Variants in DPP6 observed in about 807,000 individuals in gnomAD.
The protein encoded by DPP6 is dipeptidyl peptidase like 6.
A neutral mutation model predicts 122.6 loss-of-function variants in DPP6; 69 were observed. The observed-to-expected ratio is 0.56, with a 90% CI of 0.46 to 0.69. The LOEUF (loss-of-function observed/expected upper bound fraction) is 0.69, where lower values mean the gene tolerates loss of function less well. Ranked by LOEUF, DPP6 falls within the 30% of genes least tolerant of loss-of-function variation. The pLI is 0.00. For synonymous variants in DPP6, 418 were observed against 433.1 expected (o/e 0.97, Z 0.43); for missense variants, 928 against 1,116.9 (o/e 0.83, Z 2.41).
intron 16 of DPP6, among the ~76,000 whole-genome samples, chr7:154,849,523 C>T (rs1274015682): frequency 6.6e-6 from 1 of 152,114 alleles, no homozygotes; most frequent in Admixed American, 6.5e-5. Flanking sequence ...CATTGTGTAA[C>T]CTGCAGCTTT....
intron 1 of DPP6, among the ~76,000 whole-genome samples, chr7:154,132,566 C>T (rs1053687944): frequency 4.6e-5 from 7 of 152,196 alleles, no homozygotes; most frequent in Non-Finnish European, 1.0e-4. Context: ...GACGACACCT[C>T]TGCTTCAGGT....
intron 8 of DPP6, among the ~76,000 whole-genome samples, chr7:154,734,408 G>A (rs1842483263): frequency 6.6e-6 from 1 of 152,216 alleles, no homozygotes; most frequent in African/African-American, 2.4e-5. Flanking sequence ...CCTGGCTAGG[G>A]CACTTCAACT....
the DPP6 span, among the ~76,000 whole-genome samples, chr7:153,830,681 G>A: frequency 6.6e-6 from 1 of 152,184 alleles, no homozygotes; most frequent in Non-Finnish European, 1.5e-5. Context: ...TGGGGCTGGG[G>A]AGTGTGCTGT....
At chr7:154,555,408 T>C (rs1043431975) in intron 4 of DPP6, among the ~76,000 whole-genome samples, 3 of 151,802 alleles carry the variant, frequency 2.0e-5, no homozygotes, top group Non-Finnish European at 4.4e-5. Context: ...TAGGTGGGAA[T>C]TGAACAATGA....
At chr7:154,818,197 C>T (rs183458754) in intron 16 of DPP6, among the ~76,000 whole-genome samples, 33 of 152,180 alleles carry the variant, frequency 2.2e-4, no homozygotes, top group East Asian at 1.5e-3. Context: ...CATGAAGAGA[C>T]GCAGATTGAG....
intron 1 of DPP6, among the ~76,000 whole-genome samples, chr7:154,379,821 A>G (rs1230111821): frequency 6.6e-6 from 1 of 152,228 alleles, no homozygotes; most frequent in Non-Finnish European, 1.5e-5. Flanking sequence ...TTAAGCCAAT[A>G]GCCAAACTAA....
At chr7:154,449,113 A>G (rs1798392245) in intron 2 of DPP6, among the ~76,000 whole-genome samples, 1 of 152,248 alleles carries the variant, frequency 6.6e-6, no homozygotes, top group Admixed American at 6.5e-5. Flanking sequence ...CAAAAACACT[A>G]TCAAGAAAGT....
chr7:154,210,140 A>C (rs1799663175), intron 1 of DPP6, among the ~76,000 whole-genome samples: 1 of 152,200 alleles, frequency 6.6e-6, no homozygotes, highest in Non-Finnish European at 1.5e-5. Context: ...AGGTCTTGAA[A>C]AGGATCAATA....
At chr7:153,755,674 C>T in the DPP6 span, among the ~76,000 whole-genome samples, 1 of 152,116 alleles carries the variant, frequency 6.6e-6, no homozygotes, top group Non-Finnish European at 1.5e-5. Context: ...GTCTATCCTG[C>T]TTAGGAATTG....
chr7:154,578,511 CAGGGGCTATTCGGGCT>C (rs1831834854), intron 5 of DPP6, among the ~76,000 whole-genome samples: 2 of 151,464 alleles, frequency 1.3e-5, no homozygotes. Context: ...TCGGGCTTGG[CAGGGGCTATTCGGGCT>C]TGGCAGGCTT....
chr7:153,843,055 C>CA, the DPP6 span, among the ~76,000 whole-genome samples: 3 of 151,988 alleles, frequency 2.0e-5, no homozygotes, highest in Non-Finnish European at 4.4e-5. Flanking sequence ...CACATGAGTG[C>CA]ATACACGAGT....
chr7:153,880,546 T>C, the DPP6 span, among the ~76,000 whole-genome samples: 3 of 152,180 alleles, frequency 2.0e-5, no homozygotes, highest in South Asian at 2.1e-4. Flanking sequence ...AGTAGGAAAC[T>C]GAAGAGTTAA....
intron 1 of DPP6, among the ~76,000 whole-genome samples, chr7:154,034,233 G>A (rs1261888404): frequency 1.3e-5 from 2 of 152,100 alleles, no homozygotes; most frequent in African/African-American, 4.8e-5. Flanking sequence ...ATCCTTCATA[G>A]CAAGAAAGAT....
chr7:154,055,441 A>G (rs1563138585), intron 1 of DPP6: 1 of 151,208 alleles, frequency 6.6e-6, no homozygotes. Context: ...CAATTTGCTT[A>G]AAGTGTATTG....
At chr7:154,767,658 C>T (rs1413893282) in intron 8 of DPP6, among the ~76,000 whole-genome samples, 2 of 152,122 alleles carry the variant, frequency 1.3e-5, no homozygotes, top group Non-Finnish European at 2.9e-5. Flanking sequence ...ATGCTAGAGG[C>T]GGCTGTTGTG....
At chr7:154,203,524 C>T (rs1799278973) in intron 1 of DPP6, among the ~76,000 whole-genome samples, 1 of 152,194 alleles carries the variant, frequency 6.6e-6, no homozygotes, top group South Asian at 2.1e-4. Context: ...ATCACTGCCC[C>T]TCCAGGTTTG....
At chr7:154,703,772 TA>T (rs1202243414) in intron 7 of DPP6, among the ~76,000 whole-genome samples, 1 of 151,584 alleles carries the variant, frequency 6.6e-6, no homozygotes, top group Non-Finnish European at 1.5e-5. Flanking sequence ...CCGTCTCTAC[TA>T]AAAAATACAA....
intron 8 of DPP6, among the ~76,000 whole-genome samples, chr7:154,733,345 C>T (rs1022273538): frequency 8.5e-5 from 13 of 152,252 alleles, no homozygotes; most frequent in African/African-American, 3.1e-4. Flanking sequence ...GCCCTCAGTC[C>T]TGCTGGATGA....
At chr7:154,360,747 A>T (rs1399451100) in intron 1 of DPP6, among the ~76,000 whole-genome samples, 1 of 152,206 alleles carries the variant, frequency 6.6e-6, no homozygotes, top group Non-Finnish European at 1.5e-5. Context: ...TATATGAGAT[A>T]AATAAGTACA....
Sources: allele counts gnomAD v4.1 joint callset (sites outside exome capture counted in the v4.1 genomes callset), GRCh38; gene constraint gnomAD v4.1.1; transcripts MANE v1.5; gene names NCBI Gene and HGNC (gene_info 2026-07-23, HGNC 2026-07-21).